The following TMEM71 variants were observed in gnomAD, a reference collection of about 807,000 sequenced individuals.
TMEM71 encodes the protein transmembrane protein 71.
Under a neutral mutation model 38.0 loss-of-function variants are expected in TMEM71, and 44 were observed. The observed-to-expected ratio is 1.16, with a 90% CI of 0.91 to 1.49. The LOEUF (loss-of-function observed/expected upper bound fraction) is 1.49, where lower values mean the gene tolerates loss of function less well. Ranked by LOEUF, TMEM71 falls within the 40% of genes most tolerant of loss-of-function variation. The probability of loss-of-function intolerance (pLI) is 0.00; values close to 1 mark genes in which losing one functional copy is unlikely to be tolerated. For synonymous variants in TMEM71, 133 were observed against 122.5 expected, an observed-to-expected ratio of 1.09 and a Z score of -0.56; for missense variants, 367 against 348.6, an observed-to-expected ratio of 1.05 and a Z score of -0.42.
intron 5 of TMEM71, among the ~76,000 whole-genome samples, chr8:132,740,132 C>G (rs565019781): frequency 6.6e-6 from 1 of 152,284 alleles, no homozygotes; most frequent in Non-Finnish European, 1.5e-5. Flanking sequence ...AATGACCCCA[C>G]AGCTCCCCTT....
chr8:132,753,099 AC>A (rs1487879543), intron 3 of TMEM71, among the ~76,000 whole-genome samples: 1 of 151,822 alleles, frequency 6.6e-6, no homozygotes, highest in Non-Finnish European at 1.5e-5. Flanking sequence ...TTTGTCCTAA[AC>A]CCCAGCTAAT....
At chr8:132,748,143 G>T (rs770375038) in intron 4 of TMEM71, among the ~76,000 whole-genome samples, 15 of 152,212 alleles carry the variant, frequency 9.9e-5, no homozygotes, top group Non-Finnish European at 1.8e-4. Context: ...CCCATCACAG[G>T]CAAGGTGGGC....
intron 5 of TMEM71, among the ~76,000 whole-genome samples, chr8:132,739,007 C>A (rs957519122): frequency 6.6e-6 from 1 of 152,008 alleles, no homozygotes; most frequent in African/African-American, 2.4e-5. Flanking sequence ...CATACACTGA[C>A]CCTCTCTATA....
intron 3 of TMEM71, among the ~76,000 whole-genome samples, chr8:132,753,681 T>G (rs1828853863): frequency 6.6e-6 from 1 of 152,166 alleles, no homozygotes; most frequent in South Asian, 2.1e-4. Flanking sequence ...TCTAAGCCCA[T>G]AATTCCAACT....
intron 4 of TMEM71, among the ~76,000 whole-genome samples, chr8:132,750,616 C>A (rs149045976): frequency 5.5e-4 from 84 of 152,284 alleles, no homozygotes; most frequent in African/African-American, 2.0e-3. Flanking sequence ...TATTTTATAT[C>A]ATTAAGATTT....
chr8:132,708,468 T>C (rs534767361), downstream of TMEM71, among the ~76,000 whole-genome samples: 8 of 152,344 alleles, frequency 5.3e-5, no homozygotes, highest in Admixed American at 5.2e-4. Context: ...TATCACCATG[T>C]AATGACATTA....
At chr8:132,768,580 A>G in the TMEM71 span, among the ~76,000 whole-genome samples, 1 of 152,216 alleles carries the variant, frequency 6.6e-6, no homozygotes, top group Non-Finnish European at 1.5e-5. Flanking sequence ...TAAAAAAAAA[A>G]TAGGAGAGAA....
intron 3 of TMEM71, among the ~76,000 whole-genome samples, chr8:132,756,074 T>C (rs997442515): frequency 1.3e-5 from 2 of 152,088 alleles, no homozygotes; most frequent in Non-Finnish European, 2.9e-5. Context: ...AATGAATATA[T>C]GATCTGTTTA....
At chr8:132,737,158 C>G (rs1827794959) in intron 5 of TMEM71, among the ~76,000 whole-genome samples, 1 of 152,128 alleles carries the variant, frequency 6.6e-6, no homozygotes, top group African/African-American at 2.4e-5. Flanking sequence ...ATGGAATGTT[C>G]TGGAACAGGA....
intron 5 of TMEM71, among the ~76,000 whole-genome samples, chr8:132,729,129 A>T (rs1827313621): frequency 6.6e-6 from 1 of 152,238 alleles, no homozygotes; most frequent in South Asian, 2.1e-4. Flanking sequence ...CAAACATGCT[A>T]AGATGATTCC....
chr8:132,728,992 A>C (rs1226574765), intron 5 of TMEM71, among the ~76,000 whole-genome samples: 1 of 152,228 alleles, frequency 6.6e-6, no homozygotes, highest in Non-Finnish European at 1.5e-5. Flanking sequence ...ACATAGCTTC[A>C]AGAACATGCA....
chr8:132,749,017 CA>C (rs1191538286), intron 4 of TMEM71, among the ~76,000 whole-genome samples: 2 of 152,124 alleles, frequency 1.3e-5, no homozygotes, highest in Non-Finnish European at 2.9e-5. Flanking sequence ...AGTATATATC[CA>C]AAACAGTTGA....
In TMEM71 at chr8:132,742,407, C is replaced by A. The variant is rs374690677; in HGVS notation, c.487+4535G>T. On this transcript the variant is annotated intron_variant, in intron 5 of 9. Transcript: ENST00000677595. ...AAACCAAAACAACAACAAAAAAACA[C>A]TCCGATGTTGTCTCCCTCTGAAGCC... Among the ~76,000 whole-genome samples the A allele has an allele frequency of 2.0e-5, 3 of 152,130 alleles. No individual in the cohort carries two copies. In the South Asian group the frequency reaches 6.2e-4, roughly 32 times the overall value.
downstream of TMEM71, among the ~76,000 whole-genome samples, chr8:132,706,392 T>C (rs1826095071): frequency 6.6e-6 from 1 of 152,144 alleles, no homozygotes; most frequent in African/African-American, 2.4e-5. Flanking sequence ...TTAAAACATC[T>C]GTACCTGACT....
chr8:132,755,727 T>A (rs923510968), intron 3 of TMEM71, among the ~76,000 whole-genome samples: 1 of 152,172 alleles, frequency 6.6e-6, no homozygotes, highest in Non-Finnish European at 1.5e-5. Context: ...ATACAATGAA[T>A]ATATGCACTC....
chr8:132,770,048 C>T, the TMEM71 span, among the ~76,000 whole-genome samples: 1 of 152,174 alleles, frequency 6.6e-6, no homozygotes, highest in East Asian at 1.9e-4. Context: ...CTGTTGCTCA[C>T]CCTCTCCTGC....
At position 132,714,309 on chromosome 8, in the gene TMEM71, G is replaced by A; in HGVS notation, c.753-94C>T. The A allele has an allele frequency of 5.3e-6, 5 of 945,280 alleles. No homozygotes were observed. In the South Asian group the frequency reaches 7.1e-5, roughly 14 times the overall value. 58.6% of individuals were successfully genotyped at this position (945,280 alleles called of 1,614,324 possible). A position where few individuals can be genotyped will look rare whatever the true frequency, so the allele number is the denominator to read the frequency against. Reference sequence around the variant, plus strand: ...ACTTACTATAGAATTATGATTTCAAGGTTTACTATGAAACTACAGTAATAA... The same window carrying A: ...ACTTACTATAGAATTATGATTTCAAAGTTTACTATGAAACTACAGTAATAA... On this transcript the variant is annotated intron_variant, in intron 7 of 9. Coordinates refer to ENST00000677595, the MANE Select transcript of TMEM71 (RefSeq NM_001382403.1).
At chr8:132,730,329 T>C (rs778287116) in intron 5 of TMEM71, among the ~76,000 whole-genome samples, 2 of 152,200 alleles carry the variant, frequency 1.3e-5, no homozygotes, top group African/African-American at 2.4e-5. Context: ...AGCCCTGTGA[T>C]ATCTGCCAGA....
chr8:132,734,140 CATGTT>C (rs1278996034), intron 5 of TMEM71, among the ~76,000 whole-genome samples: 1 of 151,266 alleles, frequency 6.6e-6, no homozygotes, highest in Non-Finnish European at 1.5e-5. Flanking sequence ...AGGTAGCTCT[CATGTT>C]ATGTTCTTAC....
Sources: allele counts gnomAD v4.1 joint callset (sites outside exome capture counted in the v4.1 genomes callset), GRCh38; gene constraint gnomAD v4.1.1; transcripts MANE v1.5; gene names NCBI Gene and HGNC (gene_info 2026-07-23, HGNC 2026-07-21).